ANO3: variants seen among roughly 807,000 people sequenced by gnomAD.
ANO3 encodes anoctamin-3.
A neutral mutation model predicts 144.8 loss-of-function variants in ANO3; 99 were observed. The observed-to-expected ratio is 0.68, with a 90% confidence interval of 0.58 to 0.81. The LOEUF is 0.81. Among genes scored for constraint, ANO3 ranks in the 30% least tolerant of loss-of-function variants. The pLI is 0.00. For synonymous variants in ANO3, 414 were observed against 392.6 expected (o/e 1.05, Z -0.64); for missense variants, 905 against 1,202.2 (o/e 0.75, Z 3.66).
At chr11:26,457,268 G>A (rs1182601368) in intron 3 of ANO3, among the ~76,000 whole-genome samples, 1 of 148,636 alleles carries the variant, frequency 6.7e-6, no homozygotes, top group African/African-American at 2.5e-5. Context: ...TTTTGCACAT[G>A]TACCCTAGAA....
intron 1 of ANO3, among the ~76,000 whole-genome samples, chr11:26,226,907 A>G (rs968841181): frequency 2.4e-4 from 36 of 152,040 alleles, no homozygotes; most frequent in African/African-American, 8.7e-4. Flanking sequence ...ATTTTCCCAA[A>G]CTGAAACTCA....
At chr11:26,615,975 G>A (rs1852248962) in intron 17 of ANO3, among the ~76,000 whole-genome samples, 1 of 152,036 alleles carries the variant, frequency 6.6e-6, no homozygotes, top group Admixed American at 6.6e-5. Context: ...TTTGTATTTT[G>A]TCTTTCTATC....
intron 1 of ANO3, among the ~76,000 whole-genome samples, chr11:26,400,072 C>T (rs564549961): frequency 1.3e-4 from 20 of 152,062 alleles, no homozygotes; most frequent in Admixed American, 9.8e-4. Flanking sequence ...GTCTAGGTAC[C>T]CAAGTGTAAT....
intron 1 of ANO3, among the ~76,000 whole-genome samples, chr11:26,388,760 C>A (rs952925712): frequency 6.6e-6 from 1 of 152,074 alleles, no homozygotes; most frequent in Non-Finnish European, 1.5e-5. Flanking sequence ...GGCTCAGTGT[C>A]CCCTCATTGT....
At chr11:26,222,083 A>G (rs1852157380) in intron 1 of ANO3, among the ~76,000 whole-genome samples, 1 of 152,198 alleles carries the variant, frequency 6.6e-6, no homozygotes, top group Non-Finnish European at 1.5e-5. Context: ...TAAAGTCCTA[A>G]GTCTCATCTG....
At chr11:26,638,516 T>C (rs544018564) in intron 20 of ANO3, among the ~76,000 whole-genome samples, 1 of 152,294 alleles carries the variant, frequency 6.6e-6, no homozygotes, top group South Asian at 2.1e-4. Context: ...ACTGGGGAGA[T>C]AGGAAGAATA....
intron 1 of ANO3, among the ~76,000 whole-genome samples, chr11:26,337,918 G>C (rs980073585): frequency 2.0e-5 from 3 of 151,988 alleles, no homozygotes; most frequent in African/African-American, 4.8e-5. Context: ...CTGAGTGATA[G>C]AGCAAAACTC....
intron 1 of ANO3, among the ~76,000 whole-genome samples, chr11:26,215,337 T>C (rs1852015720): frequency 6.6e-6 from 1 of 152,072 alleles, no homozygotes; most frequent in South Asian, 2.1e-4. Context: ...ATTTTATACT[T>C]TGGGTTTTAA....
At chr11:26,569,253 G>A (rs182711650) in intron 14 of ANO3, among the ~76,000 whole-genome samples, 1 of 152,216 alleles carries the variant, frequency 6.6e-6, no homozygotes, top group Non-Finnish European at 1.5e-5. Flanking sequence ...AACGTGCGAA[G>A]CACTCTGTTA....
intron 1 of ANO3, among the ~76,000 whole-genome samples, chr11:26,274,591 G>A (rs1853517845): frequency 6.6e-6 from 1 of 152,016 alleles, no homozygotes. Flanking sequence ...GTACTGACAT[G>A]GTGATATTAT....
At chr11:26,443,569 T>G (rs1267045728) in intron 2 of ANO3, among the ~76,000 whole-genome samples, 196 bp from the exon 3 acceptor site, 2 of 152,164 alleles carry the variant, frequency 1.3e-5, no homozygotes, top group Non-Finnish European at 2.9e-5. Context: ...GCCATTGCAC[T>G]CCAGCCTGAG....
chr11:26,618,460 G>A (rs1209181440), intron 17 of ANO3, among the ~76,000 whole-genome samples: 2 of 152,010 alleles, frequency 1.3e-5, no homozygotes, highest in African/African-American at 2.4e-5. Flanking sequence ...CCTGCTGGTT[G>A]GTCTTCCTGT....
chr11:26,374,008 C>T (rs768638064), intron 1 of ANO3, among the ~76,000 whole-genome samples: 67 of 152,104 alleles, frequency 4.4e-4, no homozygotes, highest in Non-Finnish European at 7.4e-4. Flanking sequence ...ATAGGTAGTG[C>T]TTCCATGCCC....
At chr11:26,471,441 C>T (rs1309828617) in intron 4 of ANO3, among the ~76,000 whole-genome samples, 1 of 151,904 alleles carries the variant, frequency 6.6e-6, no homozygotes, top group African/African-American at 2.4e-5. Flanking sequence ...TAAACCTCAA[C>T]AAAAGTAGTC....
chr11:26,391,980 T>C (rs1329530406), intron 1 of ANO3, among the ~76,000 whole-genome samples: 2 of 838 alleles, frequency 2.4e-3, no homozygotes, highest in African/African-American at 0.015. Context: ...GTCCAAAAAA[T>C]GTCGGAAAAC....
intron 14 of ANO3, among the ~76,000 whole-genome samples, chr11:26,594,529 G>A (rs1263039147): frequency 6.6e-6 from 1 of 152,156 alleles, no homozygotes; most frequent in Non-Finnish European, 1.5e-5. Flanking sequence ...TCAAGTCTGA[G>A]AGGGAAAAAG....
intron 14 of ANO3, among the ~76,000 whole-genome samples, chr11:26,588,954 A>G (rs1851364963): frequency 6.6e-6 from 1 of 152,190 alleles, no homozygotes; most frequent in African/African-American, 2.4e-5. Flanking sequence ...GCAGACAATA[A>G]TTTTCGGCTG....
chr11:26,301,162 C>T (rs1343578302), intron 1 of ANO3, among the ~76,000 whole-genome samples: 1 of 134,318 alleles, frequency 7.4e-6, no homozygotes, highest in African/African-American at 3.3e-5. Context: ...TCTTTACTTT[C>T]TTAATTGCCT....
In ANO3 at chr11:26,531,214, T is replaced by A; in HGVS notation, c.747T>A (p.Thr249=). ...GRSKSMGRMQ[T]YFRRIKNWMA... ...TGTGACTTCATTCCAGGATGCAAAC[T>A]TATTTTAGAAGAATCAAAAACTGGA... The change falls in exon 8 of 27, where the codon ACT becomes ACA. Residue 249 remains threonine, a synonymous_variant. Transcript: ENST00000256737. 1 of 1,613,972 alleles carries A rather than the reference T, an allele frequency of 6.2e-7. No individual in the cohort carries two copies. The highest frequency in any genetic ancestry group is 8.5e-7 in the Non-Finnish European group (1 of 1,179,970).
Sources: allele counts gnomAD v4.1 joint callset (sites outside exome capture counted in the v4.1 genomes callset), GRCh38; gene constraint gnomAD v4.1.1; transcripts MANE v1.5; gene names NCBI Gene and HGNC (gene_info 2026-07-23, HGNC 2026-07-21).